Variants in PGBD5 observed in about 807,000 individuals in gnomAD.
The protein encoded by PGBD5 is piggyBac transposable element-derived protein 5.
A neutral mutation model predicts 47.9 loss-of-function variants in PGBD5; 14 were observed. The ratio of observed to expected loss-of-function variants is 0.29; its 90% CI spans 0.19 to 0.46. PGBD5 has a LOEUF of 0.46. PGBD5 is among the 20% of genes least tolerant of loss of function. The pLI is 1.00. For missense variants in PGBD5, 635 were observed against 716.0 expected, an observed-to-expected ratio of 0.89 and a Z score of 1.29; for synonymous variants, 316 against 306.3, an observed-to-expected ratio of 1.03 and a Z score of -0.33.
At position 230,322,545 on chromosome 1, in the gene PGBD5, C is replaced by A. The variant is rs1033704308; in HGVS notation, c.*880G>T. 6.5e-6 allele frequency: 1 copy of A among 152,838 alleles called. No individual in the cohort carries two copies. Among genetic ancestry groups the A allele is most frequent in the African/African-American group, 2.4e-5 (1 of 41,598 alleles). 9.5% of individuals were successfully genotyped at this position (152,838 alleles called of 1,614,324 possible). ...GGGCCCGCGGGCTCCCCATGCGCCT[C>A]GTGGAGAGCAACCACGTCTGTTCGG... is the stretch of plus-strand genomic sequence containing the variant. On this transcript the variant is annotated 3_prime_UTR_variant, in exon 7 of 7. Transcript: ENST00000391860. The surrounding 1 kb of genome is among the most constrained non-coding windows in gnomAD (Gnocchi z 5.9).
In PGBD5 at chr1:230,425,604, T is replaced by G; in HGVS notation, c.325A>C (p.Thr109Pro). 8.2e-7 allele frequency: 1 copy of G among 1,217,662 alleles called. No homozygotes were observed. Among genetic ancestry groups the G allele is most frequent in the Non-Finnish European group, 1.0e-6 (1 of 979,316 alleles). 75.4% of individuals were successfully genotyped at this position (1,217,662 alleles called of 1,614,324 possible). ...CCCGCGGGCAGCCCCTTACCGCCGG[T>G]ATCCTCGAAGCGCGGGGGCGGGCGG... ...RDRPPPRFED[T>P]GGPTRKMPPS... The change falls in exon 1 of 7, where the codon ACC (threonine) becomes CCC (proline). Residue 109 changes from threonine (T) to proline (P), a missense_variant. Transcript: ENST00000391860. This position sits in a 1 kb window ranked among gnomAD's most constrained non-coding sequence, Gnocchi z 4.7.
intron 1 of PGBD5, among the ~76,000 whole-genome samples, chr1:230,396,258 CACT>C: frequency 1.8e-4 from 4 of 21,740 alleles, no homozygotes; most frequent in Non-Finnish European, 2.5e-4. Context: ...TTTACCCCCA[CACT>C]CCTCCTTTTT....
chr1:230,411,404 T>C (rs560692493), intron 1 of PGBD5, among the ~76,000 whole-genome samples: 1 of 152,338 alleles, frequency 6.6e-6, no homozygotes, highest in South Asian at 2.1e-4. Context: ...AAATATATAC[T>C]GCATGGAACT....
chr1:230,335,780 CACACACACACAGGCACAAAG>C (rs1558192769), intron 4 of PGBD5, among the ~76,000 whole-genome samples: 4 of 432 alleles, frequency 9.3e-3, no homozygotes, highest in Admixed American at 0.028. Flanking sequence ...GACAGACACA[CACACACACACAGGCACAAAG>C]ACACACAGAC....
intron 1 of PGBD5, among the ~76,000 whole-genome samples, chr1:230,421,046 T>A (rs12729707): frequency 6.6e-6 from 1 of 152,100 alleles, no homozygotes; most frequent in Non-Finnish European, 1.5e-5. Context: ...TTTTGGACTC[T>A]AAAACTAGGT....
At chr1:230,378,644 C>A (rs1458877872) in intron 1 of PGBD5, among the ~76,000 whole-genome samples, 1 of 152,130 alleles carries the variant, frequency 6.6e-6, no homozygotes, top group Non-Finnish European at 1.5e-5. Flanking sequence ...CTCTGTAAAC[C>A]CTGCAAGGAC....
intron 1 of PGBD5, among the ~76,000 whole-genome samples, chr1:230,397,431 C>T (rs963811170): frequency 1.2e-4 from 18 of 152,168 alleles, no homozygotes; most frequent in South Asian, 4.1e-4. Flanking sequence ...AAGATTTGCT[C>T]GTTTCCTTAA....
chr1:230,403,308 T>C (rs1013894958), intron 1 of PGBD5, among the ~76,000 whole-genome samples: 3 of 152,260 alleles, frequency 2.0e-5, no homozygotes, highest in African/African-American at 7.2e-5. Context: ...TGCTGCCCTG[T>C]CAATGTTTAC....
In PGBD5 at chr1:230,315,888, ATATT is replaced by A. The variant is rs1306257122; in HGVS notation, c.*7533_*7536del. The A allele has an allele frequency of 6.7e-6, 1 of 148,564 alleles. No individual in the cohort carries two copies. Among genetic ancestry groups the A allele is most frequent in the Non-Finnish European group, 1.5e-5 (1 of 66,612 alleles). 9.2% of individuals were successfully genotyped at this position (148,564 alleles called of 1,614,324 possible). On this transcript the variant is annotated 3_prime_UTR_variant, in exon 7 of 7. Transcript: ENST00000391860. ...TATATATACATATATGGATACATAC[ATATT>A]TATGTGTACACATATATGTATATGT...
At chr1:230,419,190 AATATGGTGCAC>A (rs1319462546) in intron 1 of PGBD5, among the ~76,000 whole-genome samples, 1 of 152,260 alleles carries the variant, frequency 6.6e-6, no homozygotes, top group Non-Finnish European at 1.5e-5. Flanking sequence ...GGATAAAGAA[AATATGGTGCAC>A]ATACACCATG....
chr1:230,338,701 G>A (rs1359155826), intron 3 of PGBD5, among the ~76,000 whole-genome samples: 2 of 152,170 alleles, frequency 1.3e-5, no homozygotes, highest in African/African-American at 4.8e-5. Context: ...TTGGGAGGCT[G>A]AGGCAGGAGA....
chr1:230,372,575 A>G (rs1012064947), intron 1 of PGBD5, among the ~76,000 whole-genome samples: 2 of 152,198 alleles, frequency 1.3e-5, no homozygotes, highest in Admixed American at 6.5e-5. Context: ...CTACTCTCCA[A>G]TGGAAACCCT....
At position 230,379,982 on chromosome 1, in the gene PGBD5, C is replaced by T. The variant is rs150396452; in HGVS notation, c.332-22661G>A. On this transcript the variant is annotated intron_variant, in intron 1 of 6. Transcript: ENST00000391860. ...CTCATTTCTTCATTACTACCCTCAGCATACTGGATTGTAATTACTGATTTC... is the reference window on the plus strand; with the variant it reads ...CTCATTTCTTCATTACTACCCTCAGTATACTGGATTGTAATTACTGATTTC... Among the ~76,000 whole-genome samples the T allele has an allele frequency of 7.1e-4, 108 of 152,368 alleles. No homozygotes were observed. In the Middle Eastern group the frequency reaches 0.02, roughly 29 times the overall value.
At chr1:230,408,613 G>T (rs1021523140) in intron 1 of PGBD5, among the ~76,000 whole-genome samples, 1 of 152,032 alleles carries the variant, frequency 6.6e-6, no homozygotes, top group Admixed American at 6.6e-5. Context: ...ATTCAATGGG[G>T]GAAAAGCAGT....
chr1:230,388,145 A>G (rs1656692789), intron 1 of PGBD5, among the ~76,000 whole-genome samples: 1 of 152,236 alleles, frequency 6.6e-6, no homozygotes, highest in African/African-American at 2.4e-5. Flanking sequence ...AGGGCTGTGC[A>G]TGAGGATGGC....
Position 230,323,615 on chromosome 1 carries a change from A to G in PGBD5, c.1385T>C (p.Phe462Ser). Residue 462 changes from phenylalanine (F) to serine (S), a missense_variant, in exon 7 of 7, where the codon TTC becomes TCC. Transcript: ENST00000391860. The surrounding 1 kb of genome is among the most constrained non-coding windows in gnomAD (Gnocchi z 4.1). ...CRYDDKYSKY[F>S]ISHKPNKTWQ... Reference sequence around the variant, plus strand: ...GGTCTTGTTTGGTTTATGAGAAATGAAATACCTGAGGACAGAGGGAATAAG... The same window carrying G: ...GGTCTTGTTTGGTTTATGAGAAATGGAATACCTGAGGACAGAGGGAATAAG... The G allele has an allele frequency of 6.2e-7, 1 of 1,613,582 alleles. No homozygotes were observed. Among genetic ancestry groups the G allele is most frequent in the Non-Finnish European group, 8.5e-7 (1 of 1,179,742 alleles).
intron 1 of PGBD5, among the ~76,000 whole-genome samples, chr1:230,389,983 T>A (rs1656746030): frequency 6.6e-6 from 1 of 152,126 alleles, no homozygotes; most frequent in Non-Finnish European, 1.5e-5. Flanking sequence ...GCCAAGAAGA[T>A]AAGTGACTTG....
chr1:230,412,669 T>C (rs1053424931), intron 1 of PGBD5, among the ~76,000 whole-genome samples: 2 of 152,164 alleles, frequency 1.3e-5, no homozygotes, highest in African/African-American at 2.4e-5. Context: ...ATTACAGGCA[T>C]GAGCCACCGC....
chr1:230,393,842 A>C (rs865841981), intron 1 of PGBD5, among the ~76,000 whole-genome samples: 2 of 149,734 alleles, frequency 1.3e-5, no homozygotes, highest in Non-Finnish European at 3.0e-5. Context: ...AAAAAAAAAA[A>C]AATAATAGGC....
Sources: gnomAD v4.1 joint callset for allele counts (sites outside exome capture counted in the v4.1 genomes callset) on GRCh38, gnomAD v4.1.1 for gene constraint, Gnocchi (gnomAD v3.1) non-coding constraint, MANE v1.5 for transcripts, NCBI Gene and HGNC (gene_info 2026-07-23, HGNC 2026-07-21) for gene names.